Variants in ZNF385D observed in about 807,000 individuals in gnomAD.
The protein encoded by ZNF385D is zinc finger protein 385D, also known as zinc finger protein 659.
Under a neutral mutation model 35.8 loss-of-function variants are expected in ZNF385D, and 15 were observed. The observed-to-expected ratio is 0.42, with a 90% CI of 0.28 to 0.64. The LOEUF (loss-of-function observed/expected upper bound fraction) is 0.64. Among genes scored for constraint, ZNF385D ranks in the 30% least tolerant of loss-of-function variants. ZNF385D has a pLI of 0.23. For synonymous variants in ZNF385D, 212 were observed against 186.8 expected (o/e 1.13, Z -1.10); for missense variants, 474 against 494.6 (o/e 0.96, Z 0.39).
At chr3:22,114,510 C>A (rs1443496270) in intron 3 of ZNF385D, among the ~76,000 whole-genome samples, 1 of 151,792 alleles carries the variant, frequency 6.6e-6, no homozygotes, top group South Asian at 2.1e-4. Context: ...GGGAAGTGAT[C>A]TCAGGAAGCA....
At chr3:21,946,334 T>C (rs59976444) in intron 3 of ZNF385D, among the ~76,000 whole-genome samples, 1,719 of 152,292 alleles carry the variant, frequency 0.011, 40 homozygotes, top group African/African-American at 0.038. Context: ...TATTCAATGC[T>C]GTATATCATG....
intron 3 of ZNF385D, among the ~76,000 whole-genome samples, chr3:21,954,903 T>C (rs1702217554): frequency 6.6e-6 from 1 of 152,084 alleles, no homozygotes. Context: ...TGTAGCACAA[T>C]CTAATGTTGA....
intron 3 of ZNF385D, among the ~76,000 whole-genome samples, chr3:22,103,737 G>A (rs73139401): frequency 0.16 from 22,433 of 136,930 alleles, 2,074 homozygotes; most frequent in African/African-American, 0.26. Context: ...AAATCTTATG[G>A]TAGCACAACC....
chr3:22,164,739 G>A (rs1706202725), intron 3 of ZNF385D, among the ~76,000 whole-genome samples: 1 of 151,624 alleles, frequency 6.6e-6, no homozygotes, highest in African/African-American at 2.4e-5. Context: ...ATAATCATCA[G>A]AAAAGTATGA....
intron 3 of ZNF385D, among the ~76,000 whole-genome samples, chr3:21,976,259 T>C (rs566052456): frequency 6.6e-6 from 1 of 152,030 alleles, no homozygotes; most frequent in Non-Finnish European, 1.5e-5. Context: ...TTTAGAGATA[T>C]TAAGTAATAG....
chr3:21,490,028 A>G (rs1705312331), intron 4 of ZNF385D, among the ~76,000 whole-genome samples: 1 of 152,056 alleles, frequency 6.6e-6, no homozygotes, highest in African/African-American at 2.4e-5. Context: ...CATAGCTTAA[A>G]CCTTATATAA....
chr3:22,119,345 A>G (rs9844529), intron 3 of ZNF385D, among the ~76,000 whole-genome samples: 2,820 of 152,294 alleles, frequency 0.019, 37 homozygotes, highest in Non-Finnish European at 0.026. Context: ...CTGTAAAATC[A>G]TATCTTCTTG....
chr3:22,057,919 A>C (rs952634040), intron 3 of ZNF385D, among the ~76,000 whole-genome samples: 1 of 152,246 alleles, frequency 6.6e-6, no homozygotes, highest in Non-Finnish European at 1.5e-5. Flanking sequence ...AAATCATTAC[A>C]GTTCATGGTT....
intron 1 of ZNF385D, among the ~76,000 whole-genome samples, chr3:21,687,119 G>A (rs2067130258): frequency 6.6e-6 from 1 of 152,132 alleles, no homozygotes; most frequent in Non-Finnish European, 1.5e-5. Context: ...CCAGCTTCTG[G>A]GAGAGTAAGA....
chr3:21,750,808 T>C, intron 1 of ZNF385D, 87 bp downstream of exon 1: 1 of 1,557,158 alleles, frequency 6.4e-7, no homozygotes. Context: ...AACATATTCT[T>C]GCTGCTTAAA....
intron 2 of ZNF385D, among the ~76,000 whole-genome samples, chr3:22,235,284 A>G (rs1392562153): frequency 2.0e-5 from 3 of 152,174 alleles, no homozygotes; most frequent in Non-Finnish European, 4.4e-5. Context: ...TCATTCATTT[A>G]AAACAGTAAT....
At chr3:21,749,746 T>A (rs2125551826) in intron 1 of ZNF385D, among the ~76,000 whole-genome samples, 1 of 152,334 alleles carries the variant, frequency 6.6e-6, no homozygotes, top group Non-Finnish European at 1.5e-5. Context: ...ACTAAAGGCA[T>A]TTAGCTTTTG....
At chr3:21,815,241 T>C (rs577368024) in intron 3 of ZNF385D, among the ~76,000 whole-genome samples, 51 of 152,172 alleles carry the variant, frequency 3.4e-4, no homozygotes, top group Non-Finnish European at 6.2e-4. Flanking sequence ...AGGAAAGATC[T>C]AAAATTGACA....
intron 3 of ZNF385D, among the ~76,000 whole-genome samples, chr3:22,167,627 A>T (rs1706421184): frequency 6.6e-6 from 1 of 152,198 alleles, no homozygotes; most frequent in South Asian, 2.1e-4. Context: ...CAGAAACAGC[A>T]GTGGGGCAGA....
intron 3 of ZNF385D, among the ~76,000 whole-genome samples, chr3:21,826,044 C>A (rs964964280): frequency 2.6e-5 from 4 of 152,164 alleles, no homozygotes; most frequent in African/African-American, 9.7e-5. Flanking sequence ...CTCAACCCCC[C>A]ACCAGTCCGT....
At chr3:21,659,423 TTG>T (rs1446494576) in intron 2 of ZNF385D, among the ~76,000 whole-genome samples, 2 of 152,100 alleles carry the variant, frequency 1.3e-5, no homozygotes, top group African/African-American at 4.8e-5. Context: ...ACATAAAAAC[TTG>T]TAAAATTTCA....
chr3:21,661,285 C>T (rs1267571135), intron 2 of ZNF385D, among the ~76,000 whole-genome samples: 1 of 152,156 alleles, frequency 6.6e-6, no homozygotes, highest in Non-Finnish European at 1.5e-5. Flanking sequence ...TGTACTCAAG[C>T]TAACATTCTA....
Position 22,316,502 on chromosome 3 carries a change from C to T in ZNF385D, c.106+55948G>A, listed in dbSNP as rs183720035. On this transcript the variant is annotated intron_variant, in intron 2 of 5. Coordinates refer to the ZNF385D transcript ENST00000494108. ...TGAGACAAAAAAGGTAAATTTTTCC[C>T]CAAAAACTTTGATGGTAGAAGGAAA... is the stretch of plus-strand genomic sequence containing the variant. Among the ~76,000 whole-genome samples the T allele has an allele frequency of 2.0e-3, 303 of 152,138 alleles. 5 individuals are homozygous for T. The South Asian group carries it at 0.026, about 13-fold the overall frequency.
At chr3:22,200,788 G>C (rs1201496101) in intron 2 of ZNF385D, among the ~76,000 whole-genome samples, 2 of 152,002 alleles carry the variant, frequency 1.3e-5, no homozygotes, top group Non-Finnish European at 2.9e-5. Context: ...TCTTTCCCAG[G>C]GATGTTCCTT....
Sources: gnomAD v4.1 joint callset for allele counts (sites outside exome capture counted in the v4.1 genomes callset) on GRCh38, gnomAD v4.1.1 for gene constraint, MANE v1.5 for transcripts, NCBI Gene and HGNC (gene_info 2026-07-23, HGNC 2026-07-21) for gene names.